ARMC9: variants seen among roughly 807,000 people sequenced by gnomAD.
ARMC9 encodes the protein lisH domain-containing protein ARMC9.
ARMC9 carries 94 observed loss-of-function variants against 107.0 expected under a neutral mutation model. That is an observed-to-expected ratio of 0.88 (90% CI 0.74 to 1.04). The LOEUF is 1.04. Ranked by LOEUF, ARMC9 falls within the 50% of genes least tolerant of loss-of-function variation. The probability of loss-of-function intolerance (pLI) is 0.00; values close to 1 mark genes in which losing one functional copy is unlikely to be tolerated. For synonymous variants in ARMC9, 380 were observed against 396.9 expected, an observed-to-expected ratio of 0.96 and a Z score of 0.51; for missense variants, 942 against 1,030.1, an observed-to-expected ratio of 0.91 and a Z score of 1.17.
At chr2:231,239,615 T>A (rs2036097215) in intron 8 of ARMC9, among the ~76,000 whole-genome samples, 1 of 152,218 alleles carries the variant, frequency 6.6e-6, no homozygotes, top group Non-Finnish European at 1.5e-5. Context: ...GTCCAGTGAC[T>A]TTGTTACATG....
At chr2:231,331,347 C>G (rs2043719737) in intron 19 of ARMC9, among the ~76,000 whole-genome samples, 1 of 152,152 alleles carries the variant, frequency 6.6e-6, no homozygotes. Context: ...CGGTGCTGCC[C>G]TTTTTGCTGA....
At chr2:231,296,574 C>G (rs1245329876) in intron 19 of ARMC9, among the ~76,000 whole-genome samples, 2 of 152,200 alleles carry the variant, frequency 1.3e-5, no homozygotes, top group African/African-American at 4.8e-5. Flanking sequence ...TGAAGGGGCA[C>G]GAGCCTCGGC....
chr2:231,267,032 G>A (rs145905653), intron 12 of ARMC9, among the ~76,000 whole-genome samples: 6 of 152,328 alleles, frequency 3.9e-5, no homozygotes, highest in Non-Finnish European at 5.9e-5. Context: ...ACAGGACTGT[G>A]CCCATGTTAG....
intron 4 of ARMC9, among the ~76,000 whole-genome samples, chr2:231,215,896 T>A (rs2033446578): frequency 6.6e-6 from 1 of 152,200 alleles, no homozygotes; most frequent in Non-Finnish European, 1.5e-5. Context: ...GTATTTCTGT[T>A]TAAGTCTGGG....
intron 20 of ARMC9, among the ~76,000 whole-genome samples, chr2:231,344,602 C>T (rs182572598): frequency 7.8e-4 from 119 of 152,338 alleles, no homozygotes; most frequent in African/African-American, 2.7e-3. Context: ...TTTTAACATA[C>T]TGCGCATGTG....
At chr2:231,314,079 T>G (rs1410466606) in intron 19 of ARMC9, among the ~76,000 whole-genome samples, 7 of 150,528 alleles carry the variant, frequency 4.7e-5, no homozygotes, top group Non-Finnish European at 8.9e-5. Flanking sequence ...TTTTTTTTTT[T>G]TTTTGTTTTT....
chr2:231,334,065 C>G (rs1356462622), intron 20 of ARMC9, among the ~76,000 whole-genome samples: 1 of 152,180 alleles, frequency 6.6e-6, no homozygotes, highest in African/African-American at 2.4e-5. Context: ...TACCATCTTA[C>G]CATAATATGC....
chr2:231,243,172 G>A lies in ARMC9; in HGVS notation c.879+3131G>A, dbSNP rs180689774. The stretch of plus-strand genomic sequence containing the variant: ...TGAGGCAGAAGAATGGCATGAACCC[G>A]GGAGGCGGAGCTTGCAGTGAGCTGA... On this transcript the variant is annotated intron_variant, in intron 9 of 24. Transcript: ENST00000611582. 5.9e-3 allele frequency among the ~76,000 whole-genome samples: 900 copies of A among 152,096 alleles called. 9 individuals carry two copies. Among genetic ancestry groups the A allele is most frequent in the African/African-American group, 0.021 (870 of 41,490 alleles).
chr2:231,326,685 A>G (rs2043342267), intron 19 of ARMC9, among the ~76,000 whole-genome samples: 1 of 152,182 alleles, frequency 6.6e-6, no homozygotes, highest in South Asian at 2.1e-4. Flanking sequence ...TTCAAGGCCC[A>G]GTTCCCAGCC....
At chr2:231,368,109 C>T (rs997356824) in intron 23 of ARMC9, among the ~76,000 whole-genome samples, 14 of 151,904 alleles carry the variant, frequency 9.2e-5, no homozygotes, top group South Asian at 2.1e-4. Flanking sequence ...TGGTTACACA[C>T]GTTATACCTG....
intron 19 of ARMC9, among the ~76,000 whole-genome samples, chr2:231,330,998 C>T (rs2043694403): frequency 1.3e-5 from 2 of 152,012 alleles, no homozygotes; most frequent in Non-Finnish European, 2.9e-5. Flanking sequence ...AAAAAGTAGC[C>T]GGATGTGGTG....
chr2:231,357,351 GC>G (rs1049458989), intron 22 of ARMC9, among the ~76,000 whole-genome samples: 6 of 152,114 alleles, frequency 3.9e-5, no homozygotes, highest in Admixed American at 2.0e-4. Flanking sequence ...CGCTGTCAGT[GC>G]CCCCATTAAC....
rs533276040 is a variant in ARMC9, at chr2:231,374,273, C to A, written c.*2738C>A. 6.6e-6 allele frequency: 1 copy of A among 152,126 alleles called. No individual in the cohort carries two copies. The highest frequency in any genetic ancestry group is 2.4e-5 in the African/African-American group (1 of 41,408). 9.4% of individuals were successfully genotyped at this position (152,126 alleles called of 1,614,324 possible). A position where few individuals can be genotyped will look rare whatever the true frequency, so the allele number is the denominator to read the frequency against. ...AAGCCACAGAGAGGGATCTTTGGACCTTCTGGAAAATGGTAAGGCCCCAGG... is the reference window on the plus strand; with the variant it reads ...AAGCCACAGAGAGGGATCTTTGGACATTCTGGAAAATGGTAAGGCCCCAGG... On this transcript the variant is annotated 3_prime_UTR_variant, in exon 25 of 25. Coordinates refer to ENST00000611582, the MANE Select transcript of ARMC9 (RefSeq NM_001352754.2).
At position 231,373,535 on chromosome 2, in the gene ARMC9, T is replaced by A. The variant is rs2046103373; in HGVS notation, c.*2000T>A. On this transcript the variant is annotated 3_prime_UTR_variant, in exon 25 of 25. Coordinates refer to ENST00000611582, the MANE Select transcript of ARMC9 (RefSeq NM_001352754.2). The surrounding 1 kb of genome is among the most constrained non-coding windows in gnomAD (Gnocchi z 4.4). ...AGAGCTAAAGTCTGATCTGTAGATGTCTGATGGTTTGAGGAGAAGAAAAGA... is the reference window on the plus strand; with the variant it reads ...AGAGCTAAAGTCTGATCTGTAGATGACTGATGGTTTGAGGAGAAGAAAAGA... 1 of 152,156 alleles carries A rather than the reference T, an allele frequency of 6.6e-6. No homozygotes were observed. The highest frequency in any genetic ancestry group is 2.4e-5 in the African/African-American group (1 of 41,432). 9.4% of individuals were successfully genotyped at this position (152,156 alleles called of 1,614,324 possible).
At chr2:231,341,765 A>T (rs1559487983) in intron 20 of ARMC9, among the ~76,000 whole-genome samples, 1 of 152,068 alleles carries the variant, frequency 6.6e-6, no homozygotes, top group Non-Finnish European at 1.5e-5. Flanking sequence ...TTAGTAAGAA[A>T]TTTTTTTTAC....
chr2:231,272,813 G>A (rs1574897340), intron 13 of ARMC9, 142 bp from the exon 14 acceptor site: 3 of 1,111,622 alleles, frequency 2.7e-6, no homozygotes, highest in East Asian at 5.4e-5. Context: ...ACCGCGCCCT[G>A]CCCAGTAAGT....
chr2:231,245,889 G>A (rs533425861), intron 9 of ARMC9, among the ~76,000 whole-genome samples: 63 of 152,312 alleles, frequency 4.1e-4, no homozygotes, highest in African/African-American at 1.4e-3. Context: ...TGCCACGAGA[G>A]GGGGCTGTTC....
intron 21 of ARMC9, among the ~76,000 whole-genome samples, chr2:231,347,184 T>G (rs1422488290): frequency 6.6e-6 from 1 of 152,160 alleles, no homozygotes; most frequent in Non-Finnish European, 1.5e-5. Flanking sequence ...ATCAAGATCT[T>G]TGACTGTGGC....
At chr2:231,245,291 CCCT>C (rs2036653790) in intron 9 of ARMC9, among the ~76,000 whole-genome samples, 1 of 152,174 alleles carries the variant, frequency 6.6e-6, no homozygotes, top group African/African-American at 2.4e-5. Flanking sequence ...AGAAAGTTAT[CCCT>C]CAGGGCACAA....
Sources: gnomAD v4.1 joint callset for allele counts (sites outside exome capture counted in the v4.1 genomes callset) on GRCh38, gnomAD v4.1.1 for gene constraint, Gnocchi (gnomAD v3.1) non-coding constraint, MANE v1.5 for transcripts, NCBI Gene and HGNC (gene_info 2026-07-23, HGNC 2026-07-21) for gene names.